Variants in SMC4 observed in about 807,000 individuals in gnomAD.
The protein encoded by SMC4 is structural maintenance of chromosomes protein 4.
SMC4 carries 87 observed loss-of-function variants against 145.6 expected under a neutral mutation model. That is an observed-to-expected ratio of 0.60 (90% confidence interval 0.50 to 0.71). The LOEUF is 0.71. Ranked by LOEUF, SMC4 falls within the 30% of genes least tolerant of loss-of-function variation. The pLI is 0.00. For synonymous variants in SMC4, 558 were observed against 500.7 expected (o/e 1.11, Z -1.53); for missense variants, 1,447 against 1,537.1 (o/e 0.94, Z 0.98).
intron 14 of SMC4, 27 bp downstream of exon 14, chr3:160,423,677 GTTT>G: frequency 6.3e-7 from 1 of 1,583,368 alleles, no homozygotes; most frequent in Non-Finnish European, 8.6e-7. Context: ...TTCTTGGTTT[GTTT>G]TTTTTTCCCC....
intron 19 of SMC4, 121 bp downstream of exon 19, chr3:160,430,864 C>G (rs1251047503): frequency 1.6e-6 from 2 of 1,262,692 alleles, no homozygotes; most frequent in Non-Finnish European, 2.2e-6. Flanking sequence ...TTATAACTAT[C>G]AATTTTTATT....
intron 22 of SMC4, 33 bp from the exon 23 acceptor site, chr3:160,432,993 G>T (rs1271707691): frequency 2.0e-6 from 3 of 1,482,474 alleles, no homozygotes; most frequent in Non-Finnish European, 2.8e-6. Flanking sequence ...AGCTTTACAG[G>T]TAATTTGACT....
At chr3:160,409,247 C>T (rs1413445239) in intron 5 of SMC4, among the ~76,000 whole-genome samples, 1 of 107,434 alleles carries the variant, frequency 9.3e-6, no homozygotes, top group Admixed American at 1.5e-4. Flanking sequence ...GCCTGGGCGA[C>T]AGAGCGAAAC....
chr3:160,409,291 A>G (rs1715712400), intron 5 of SMC4, among the ~76,000 whole-genome samples: 1 of 134,256 alleles, frequency 7.4e-6, no homozygotes, highest in Non-Finnish European at 1.6e-5. Context: ...AAAAAAAAAA[A>G]AGACTGAATG....
intron 15 of SMC4, among the ~76,000 whole-genome samples, chr3:160,424,613 C>G (rs945817692): frequency 7.9e-5 from 12 of 152,078 alleles, no homozygotes; most frequent in Non-Finnish European, 1.5e-4. Context: ...TCAAGACCAG[C>G]CTGGCCAACA....
Position 160,423,664 on chromosome 3 carries a change from T to C in SMC4, c.2245+14T>C. On this transcript the variant is annotated intron_variant, in intron 14 of 23. Coordinates refer to ENST00000357388, the MANE Select transcript of SMC4 (RefSeq NM_001002800.3). ...TAGAACAGTCAGGTAATAGTGTTTT[T>C]GTTTCTTGGTTTGTTTTTTTTTCCC... is the stretch of plus-strand genomic sequence containing the variant. The C allele has an allele frequency of 3.1e-6, 5 of 1,601,804 alleles. No individual in the cohort carries two copies. Among genetic ancestry groups the C allele is most frequent in the Non-Finnish European group, 4.3e-6 (5 of 1,173,662 alleles).
Position 160,433,176 on chromosome 3 carries a change from T to A in SMC4, c.3681T>A (p.Phe1227Leu). ...FMDEIDAALD[F>L]KNVSIVAFYI... ...ATGAGATTGATGCAGCCCTTGATTT[T>A]AAAAATGTGTCCATTGTTGCATTTT... Residue 1227 changes from phenylalanine to leucine, a missense_variant, in exon 23 of 24, where the codon TTT (phenylalanine) becomes TTA (leucine). By Grantham distance (22) the Phe-to-Leu change is conservative. Transcript: ENST00000357388. The A allele has an allele frequency of 6.2e-7, 1 of 1,613,136 alleles. No individual in the cohort carries two copies. Among genetic ancestry groups the A allele is most frequent in the Non-Finnish European group, 8.5e-7 (1 of 1,179,514 alleles).
chr3:160,433,784 A>C lies in SMC4; in HGVS notation c.3842A>C (p.Glu1281Ala). The C allele has an allele frequency of 6.2e-7, 1 of 1,604,948 alleles. No homozygotes were observed. The highest frequency in any genetic ancestry group is 8.5e-7 in the Non-Finnish European group (1 of 1,177,042). The change falls in exon 24 of 24, where the codon GAA becomes GCA. Residue 1281 changes from glutamate (E) to alanine (A), a missense_variant. By Grantham distance (107) the Glu-to-Ala change is moderately radical. Transcript: ENST00000357388. ...AAAAGTGTTGCTGTAAATCCAAAAG[A>C]AATTGCATCTAAGGGACTTTGTTGA... ...ITKSVAVNPK[E>A]IASKGLC
At chr3:160,413,783 C>G in intron 8 of SMC4, 170 bp downstream of exon 8, 1 of 447,848 alleles carries the variant, frequency 2.2e-6, no homozygotes, top group South Asian at 3.0e-5. Context: ...TTCCTTGTTA[C>G]AGATGAAATT....
intron 5 of SMC4, chr3:160,404,865 C>A: frequency 2.2e-6 from 1 of 452,516 alleles, no homozygotes; most frequent in Non-Finnish European, 4.5e-6. Context: ...TTGTATTTCC[C>A]TTTAAGGTAA....
rs1006792059 is a variant in SMC4 at position 160,419,265 on chromosome 3, T to C, written c.1672-93T>C. On this transcript the variant is annotated intron_variant, in intron 11 of 23. Coordinates refer to ENST00000357388, the MANE Select transcript of SMC4 (RefSeq NM_001002800.3). ...TTTTTATTGTTGGTCTTTCTTTCTT[T>C]ATTGTTATTAAAGCATTACAACTAA... 5.0e-6 allele frequency: 4 copies of C among 796,592 alleles called. 1 individual carries two copies. The African/African-American group carries it at 5.3e-5, about 11-fold the overall frequency. The allele number at this position is 796,592 out of a possible 1,614,324, so 49.3% of individuals were successfully genotyped here.
chr3:160,413,295 T>C (rs1184817741), intron 7 of SMC4, among the ~76,000 whole-genome samples, 178 bp from the exon 8 acceptor site: 1 of 152,106 alleles, frequency 6.6e-6, no homozygotes, highest in Non-Finnish European at 1.5e-5. Flanking sequence ...ATGAAATCGA[T>C]TTTTGTTCCT....
At position 160,430,712 on chromosome 3, in the gene SMC4, CAG is replaced by C. The variant is rs761041486; in HGVS notation, c.2912_2913del (p.Glu971GlyfsTer33). On this transcript the variant is annotated frameshift_variant, in exon 19 of 24. Coordinates refer to ENST00000357388, the MANE Select transcript of SMC4 (RefSeq NM_001002800.3). LOFTEE classifies it high-confidence loss of function. ...CTGAAAAGTCTTGAGGACAAAGCAGCAGAGGTCGTAAAGAATACAAATGCTGC... is the reference window on the plus strand; with the variant it reads ...CTGAAAAGTCTTGAGGACAAAGCAGCAGGTCGTAAAGAATACAAATGCTGC... 6.2e-7 allele frequency: 1 copy of C among 1,612,826 alleles called. No homozygotes were observed. The highest frequency in any genetic ancestry group is 1.7e-5 in the Admixed American group (1 of 59,668).
Position 160,424,850 on chromosome 3 carries a change from G to A in SMC4, c.2326-17G>A, listed in dbSNP as rs1452812429. 1.2e-6 allele frequency: 2 copies of A among 1,606,518 alleles called. No homozygotes were observed. Among genetic ancestry groups the A allele is most frequent in the Non-Finnish European group, 1.7e-6 (2 of 1,176,194 alleles). On this transcript the variant is annotated splice_polypyrimidine_tract_variant and intron_variant, in intron 15 of 23. Coordinates refer to ENST00000357388, the MANE Select transcript of SMC4 (RefSeq NM_001002800.3). ...CTGTCAATCTGAAATGGCTCTTAGA[G>A]AAAACTTTCTTTGTAGGTAAACAAA...
intron 5 of SMC4, among the ~76,000 whole-genome samples, chr3:160,410,475 T>G (rs1715861873): frequency 6.6e-6 from 1 of 152,204 alleles, no homozygotes; most frequent in South Asian, 2.1e-4. Flanking sequence ...GCTGCAAACA[T>G]TTAGAGAGAA....
intron 5 of SMC4, among the ~76,000 whole-genome samples, chr3:160,408,873 G>A (rs536624528): frequency 5.3e-5 from 8 of 152,082 alleles, no homozygotes; most frequent in Non-Finnish European, 8.8e-5. Context: ...GGTTGTCATT[G>A]TAATACCACA....
chr3:160,402,132 T>A, intron 3 of SMC4, 39 bp downstream of exon 3: 1 of 1,304,670 alleles, frequency 7.7e-7, no homozygotes, highest in East Asian at 2.8e-5. Context: ...ACTTTTTAAA[T>A]AACTATTGTA....
At chr3:160,400,059 C>G (rs561997778) in intron 1 of SMC4, 1 of 152,462 alleles carries the variant, frequency 6.6e-6, no homozygotes, top group East Asian at 1.9e-4. Context: ...TACCCCTCTT[C>G]CTTCTGCCAA....
chr3:160,428,970 T>C, intron 18 of SMC4, 28 bp downstream of exon 18: 1 of 1,531,808 alleles, frequency 6.5e-7, no homozygotes, highest in Non-Finnish European at 8.7e-7. Flanking sequence ...CCCTAACTTG[T>C]TTTCCCTTTC....
Sources: allele counts gnomAD v4.1 joint callset (sites outside exome capture counted in the v4.1 genomes callset), GRCh38; gene constraint gnomAD v4.1.1; transcripts MANE v1.5; gene names NCBI Gene and HGNC (gene_info 2026-07-23, HGNC 2026-07-21).